OCA2: variants seen among roughly 807,000 people sequenced by gnomAD.
OCA2 encodes the protein P protein.
Under a neutral mutation model 100.2 loss-of-function variants are expected in OCA2, and 77 were observed. The ratio of observed to expected loss-of-function variants is 0.77; its 90% CI spans 0.64 to 0.93. The LOEUF (loss-of-function observed/expected upper bound fraction) is 0.93. OCA2 is among the 40% of genes least tolerant of loss of function. The pLI is 0.00. For synonymous variants in OCA2, 432 were observed against 439.2 expected (o/e 0.98, Z 0.21); for missense variants, 1,062 against 1,089.1 (o/e 0.98, Z 0.35).
intron 1 of OCA2, among the ~76,000 whole-genome samples, chr15:28,087,628 T>C (rs2141946494): frequency 6.6e-6 from 1 of 152,168 alleles, no homozygotes; most frequent in East Asian, 1.9e-4. Context: ...ATGCCTATAG[T>C]CCCAGCTACT....
chr15:27,815,463 T>C (rs991117921), intron 23 of OCA2, among the ~76,000 whole-genome samples: 1 of 152,134 alleles, frequency 6.6e-6, no homozygotes, highest in African/African-American at 2.4e-5. Context: ...AACATGTTGG[T>C]GAGGGTTTAG....
intron 12 of OCA2, among the ~76,000 whole-genome samples, chr15:27,986,095 C>T (rs1345832116): frequency 6.6e-6 from 1 of 152,246 alleles, no homozygotes; most frequent in Non-Finnish European, 1.5e-5. Flanking sequence ...GAGCTCTCCT[C>T]TTGCCAACCC....
chr15:28,036,324 A>G (rs1413442526), intron 2 of OCA2, among the ~76,000 whole-genome samples: 1 of 152,202 alleles, frequency 6.6e-6, no homozygotes, highest in Non-Finnish European at 1.5e-5. Flanking sequence ...CACTGGATCA[A>G]GAAGTTTCTT....
At chr15:27,937,784 A>T (rs2039509440) in intron 18 of OCA2, among the ~76,000 whole-genome samples, 1 of 152,128 alleles carries the variant, frequency 6.6e-6, no homozygotes, top group Non-Finnish European at 1.5e-5. Flanking sequence ...TGCTCTATAG[A>T]TGTTCTTTTT....
chr15:27,753,171 G>A (rs574404220), downstream of OCA2, among the ~76,000 whole-genome samples: 28 of 152,062 alleles, frequency 1.8e-4, no homozygotes, highest in Admixed American at 3.3e-4. Context: ...CTAGGCCAAT[G>A]AACGAGAGGT....
intron 23 of OCA2, among the ~76,000 whole-genome samples, chr15:27,804,906 A>G (rs1475749039): frequency 6.6e-6 from 1 of 152,152 alleles, no homozygotes; most frequent in African/African-American, 2.4e-5. Flanking sequence ...TTTTCTCAGC[A>G]CCGGGCAGAC....
chr15:27,998,770 T>A (rs12906622), intron 9 of OCA2, among the ~76,000 whole-genome samples: 1 of 136,900 alleles, frequency 7.3e-6, no homozygotes, highest in Non-Finnish European at 1.6e-5. Flanking sequence ...TGCGGCACTA[T>A]TCACAATAGC....
At chr15:27,791,413 A>T (rs2033074050) in intron 23 of OCA2, among the ~76,000 whole-genome samples, 1 of 152,160 alleles carries the variant, frequency 6.6e-6, no homozygotes, top group Non-Finnish European at 1.5e-5. Context: ...CAGACCCAAA[A>T]GGCTATGATT....
intron 14 of OCA2, among the ~76,000 whole-genome samples, chr15:27,970,803 A>AAT (rs368494545): frequency 6.6e-6 from 1 of 152,166 alleles, no homozygotes; most frequent in Admixed American, 6.5e-5. Flanking sequence ...AAGCCTGAAG[A>AAT]ATACCCCAGT....
At chr15:28,039,240 T>A (rs1266316110) in intron 2 of OCA2, among the ~76,000 whole-genome samples, 2 of 152,148 alleles carry the variant, frequency 1.3e-5, no homozygotes, top group Non-Finnish European at 2.9e-5. Context: ...ATGGATAGTA[T>A]AGCCAGACAG....
At chr15:27,886,849 G>A (rs2037242221) in intron 19 of OCA2, among the ~76,000 whole-genome samples, 1 of 152,304 alleles carries the variant, frequency 6.6e-6, no homozygotes, top group Admixed American at 6.5e-5. Context: ...AACTAAAGGA[G>A]AATTCGGAAA....
chr15:28,076,607 G>T (rs1016239738), intron 2 of OCA2, among the ~76,000 whole-genome samples: 1 of 151,958 alleles, frequency 6.6e-6, no homozygotes. Context: ...CAGCACTTTG[G>T]GAGGCCGAGG....
chr15:27,849,893 T>G (rs780378351), intron 22 of OCA2, among the ~76,000 whole-genome samples: 2 of 152,046 alleles, frequency 1.3e-5, no homozygotes, highest in Non-Finnish European at 2.9e-5. Context: ...AGAGAATAAG[T>G]GTAGAGTTAA....
At chr15:27,965,875 A>G (rs1013683092) in intron 15 of OCA2, among the ~76,000 whole-genome samples, 1 of 152,220 alleles carries the variant, frequency 6.6e-6, no homozygotes, top group Non-Finnish European at 1.5e-5. Flanking sequence ...AACATCTACT[A>G]AAGTGTTTTA....
intron 19 of OCA2, among the ~76,000 whole-genome samples, chr15:27,912,158 A>G (rs115054608): frequency 6.6e-6 from 1 of 152,212 alleles, no homozygotes; most frequent in Non-Finnish European, 1.5e-5. Context: ...CGAGTAAATT[A>G]ATATATAGAT....
chr15:27,944,157 T>G (rs145872692), intron 18 of OCA2, among the ~76,000 whole-genome samples: 109 of 152,344 alleles, frequency 7.2e-4, no homozygotes, highest in African/African-American at 2.5e-3. Context: ...TCTTGGTGTC[T>G]AAATTAGCTG....
intron 23 of OCA2, among the ~76,000 whole-genome samples, chr15:27,807,042 C>T (rs2033883489): frequency 6.6e-6 from 1 of 152,162 alleles, no homozygotes. Flanking sequence ...CTGGACCGAC[C>T]GGCCCTGCCT....
intron 1 of OCA2, among the ~76,000 whole-genome samples, chr15:28,085,487 C>T (rs1595933442): frequency 6.6e-6 from 1 of 152,296 alleles, no homozygotes; most frequent in South Asian, 2.1e-4. Flanking sequence ...GAGTCAGACA[C>T]TGGGATTCAG....
intron 18 of OCA2, among the ~76,000 whole-genome samples, chr15:27,937,211 C>T (rs1018079742): frequency 1.3e-5 from 2 of 152,118 alleles, no homozygotes; most frequent in African/African-American, 4.8e-5. Flanking sequence ...TTTCTTTTGG[C>T]CAACACATTT....
Sources: allele counts gnomAD v4.1 joint callset (sites outside exome capture counted in the v4.1 genomes callset), GRCh38; gene constraint gnomAD v4.1.1; transcripts MANE v1.5; gene names NCBI Gene and HGNC (gene_info 2026-07-23, HGNC 2026-07-21).